Variants in ATP7A observed in about 807,000 individuals in gnomAD.
ATP7A encodes the protein copper-transporting ATPase 1.
A neutral mutation model predicts 83.5 loss-of-function variants in ATP7A; 7 were observed. That is an observed-to-expected ratio of 0.08 (90% CI 0.05 to 0.16). The LOEUF is 0.16. Among genes scored for constraint, ATP7A ranks in the 10% least tolerant of loss-of-function variants. ATP7A has a pLI of 1.00. For missense variants in ATP7A, 940 were observed against 1,120.8 expected (o/e 0.84, Z 2.30); for synonymous variants, 354 against 395.2 (o/e 0.90, Z 1.24).
rs1007555840 is a variant in ATP7A, at chrX:77,989,459, C to T, written c.837C>T (p.Ala279=). Residue 279 remains alanine, a synonymous_variant, in exon 4 of 23, where the codon GCC becomes GCT. Transcript: ENST00000341514. ...RSPSYTNDST[A]TFIIDGMHCK... ...CATCATATACCAATGATTCAACAGC[C>T]ACTTTCATCATTGATGGCATGCATT... is the stretch of plus-strand genomic sequence containing the variant. The T allele has an allele frequency of 1.7e-6, 2 of 1,211,670 alleles. No homozygotes were observed. The highest frequency in any genetic ancestry group is 3.5e-5 in the African/African-American group (2 of 57,822).
In ATP7A at chrX:77,942,902, A is replaced by G. The variant is rs190498090; in HGVS notation, c.-21-28719A>G. ...CGGCTGACTGCAAACACCACCTCCC[A>G]GTTTCAAGCGATTCTTGATTCTCGT... On this transcript the variant is annotated intron_variant, in intron 1 of 22. Coordinates refer to ENST00000341514, the MANE Select transcript of ATP7A (RefSeq NM_000052.7). 6.3e-5 allele frequency among the ~76,000 whole-genome samples: 7 copies of G among 111,664 alleles called. 1 individual carries two copies. The East Asian group carries it at 2.0e-3, about 31-fold the overall frequency.
intron 2 of ATP7A, among the ~76,000 whole-genome samples, chrX:77,974,354 G>C (rs1557230005): frequency 9.0e-6 from 1 of 111,089 alleles, no homozygotes; most frequent in East Asian, 2.8e-4. Flanking sequence ...GTGTTGGCCA[G>C]GGTGGTCTTG....
chrX:77,999,990 G>T (rs2077729744), intron 5 of ATP7A, among the ~76,000 whole-genome samples: 1 of 110,423 alleles, frequency 9.1e-6, no homozygotes, highest in Admixed American at 9.7e-5. Flanking sequence ...CCTAGCCCTA[G>T]GTGTCTTAAT....
At chrX:77,994,570 C>T (rs2077689781) in intron 4 of ATP7A, among the ~76,000 whole-genome samples, 1 of 109,998 alleles carries the variant, frequency 9.1e-6, no homozygotes, top group South Asian at 3.9e-4. Context: ...GACACAATCT[C>T]GCTCTGTTGC....
intron 4 of ATP7A, among the ~76,000 whole-genome samples, chrX:77,995,839 G>T (rs1474058401): frequency 9.0e-6 from 1 of 110,693 alleles, no homozygotes; most frequent in Non-Finnish European, 1.9e-5. Context: ...CGCCTCCCGG[G>T]TTCAAGCGAT....
At chrX:77,975,033 C>T (rs1032901392) in intron 2 of ATP7A, among the ~76,000 whole-genome samples, 1 of 112,398 alleles carries the variant, frequency 8.9e-6, no homozygotes, top group Admixed American at 9.4e-5. Context: ...ATACCCATCA[C>T]CTAGAAAAAT....
chrX:78,037,980 G>GT (rs782643561), intron 17 of ATP7A, among the ~76,000 whole-genome samples: 5,813 of 51,147 alleles, frequency 0.11, 754 homozygotes, highest in Non-Finnish European at 0.13. Context: ...ATCAAGAAAG[G>GT]TTTTTTTTTT....
intron 11 of ATP7A, among the ~76,000 whole-genome samples, chrX:78,015,230 G>A (rs782050287): frequency 2.1e-4 from 23 of 111,344 alleles, no homozygotes; most frequent in Non-Finnish European, 3.6e-4. Context: ...TCTCCTCATT[G>A]TCCTTCCTTC....
At chrX:78,036,200 G>T in intron 17 of ATP7A, among the ~76,000 whole-genome samples, 1 of 111,523 alleles carries the variant, frequency 9.0e-6, no homozygotes, top group East Asian at 2.8e-4. Context: ...TAATTCCAAT[G>T]GAGATAGTGC....
intron 7 of ATP7A, among the ~76,000 whole-genome samples, chrX:78,009,637 A>G (rs1213497995): frequency 8.9e-6 from 1 of 112,247 alleles, no homozygotes; most frequent in Non-Finnish European, 1.9e-5. Context: ...CAAAAGACCT[A>G]TTTTTAAGTT....
rs2077849012 is a variant in ATP7A, at chrX:78,014,593, T to C, written c.2407-69T>C. On this transcript the variant is annotated intron_variant, in intron 10 of 22. Coordinates refer to ENST00000341514, the MANE Select transcript of ATP7A (RefSeq NM_000052.7). The stretch of plus-strand genomic sequence containing the variant: ...TTTTGGGTAAATGCTAAAGATTGTA[T>C]TTTTATTTTAGTTAAGACCTGAACT... The C allele has an allele frequency of 4.8e-6, 4 of 826,359 alleles. No homozygotes were observed. The Admixed American group carries it at 9.4e-5, about 19-fold the overall frequency. 68.1% of individuals were successfully genotyped at this position (826,359 alleles called of 1,213,427 possible).
chrX:78,041,888 T>C (rs111934735), intron 19 of ATP7A, among the ~76,000 whole-genome samples: 48,537 of 108,485 alleles, frequency 0.45, 10,750 homozygotes, highest in African/African-American at 0.86. Flanking sequence ...GAGGCTGAAG[T>C]GGGCAGATCA....
intron 2 of ATP7A, among the ~76,000 whole-genome samples, chrX:77,987,603 G>A (rs2077645770): frequency 9.1e-6 from 1 of 109,993 alleles, no homozygotes; most frequent in African/African-American, 3.3e-5. Context: ...ATCTAATTGG[G>A]CAAAACAATA....
chrX:77,922,853 A>T (rs868944135), intron 1 of ATP7A: 1 of 111,925 alleles, frequency 8.9e-6, no homozygotes, highest in Non-Finnish European at 1.9e-5. Context: ...TTAATCCCCA[A>T]CTGGGACTAG....
At chrX:77,969,587 G>A (rs2077533993) in intron 1 of ATP7A, 1 of 1,212,152 alleles carries the variant, frequency 8.2e-7, no homozygotes, top group Non-Finnish European at 1.1e-6. Context: ...CGGTTCTCCA[G>A]GTTCCATGTG....
chrX:78,020,078 G>A (rs1420786805), intron 12 of ATP7A, among the ~76,000 whole-genome samples, 166 bp from the exon 13 acceptor site: 2 of 112,520 alleles, frequency 1.8e-5, no homozygotes, highest in African/African-American at 6.5e-5. Flanking sequence ...TATATTCCTG[G>A]CATTGGCCTA....
chrX:77,969,770 G>A, intron 1 of ATP7A: 1 of 787,805 alleles, frequency 1.3e-6, no homozygotes, highest in Non-Finnish European at 1.8e-6. Context: ...CTGTTTCCAT[G>A]GGATATATTA....
chrX:78,022,537 C>T (rs201796297), intron 14 of ATP7A, among the ~76,000 whole-genome samples: 21 of 53,674 alleles, frequency 3.9e-4, no homozygotes, highest in African/African-American at 1.2e-3. Context: ...TTATTTATTG[C>T]GACAGAGTCT....
chrX:77,920,169 CCAGTAGTCCG>C (rs1557222944), intron 1 of ATP7A, among the ~76,000 whole-genome samples: 1 of 110,173 alleles, frequency 9.1e-6, no homozygotes, highest in Non-Finnish European at 1.9e-5. Context: ...CCCTCCCCAC[CCAGTAGTCCG>C]CAGTATCTAT....
Sources: allele counts gnomAD v4.1 joint callset (sites outside exome capture counted in the v4.1 genomes callset), GRCh38; gene constraint gnomAD v4.1.1; transcripts MANE v1.5; gene names NCBI Gene and HGNC (gene_info 2026-07-23, HGNC 2026-07-21).